The following METTL25 variants were observed in gnomAD, a reference collection of about 807,000 sequenced individuals.
METTL25 encodes probable methyltransferase-like protein 25.
In METTL25, 64 loss-of-function variants were observed where a neutral mutation model predicts 71.6. The ratio of observed to expected loss-of-function variants is 0.89; its 90% CI spans 0.73 to 1.10. The LOEUF (loss-of-function observed/expected upper bound fraction) is 1.10, where lower values mean the gene tolerates loss of function less well. METTL25 is among the 50% of genes least tolerant of loss of function. METTL25 has a pLI of 0.00. For synonymous variants in METTL25, 287 were observed against 250.3 expected, an observed-to-expected ratio of 1.15 and a Z score of -1.38; for missense variants, 807 against 707.0, an observed-to-expected ratio of 1.14 and a Z score of -1.60.
chr12:82,427,295 G>GA (rs765356041), intron 5 of METTL25, among the ~76,000 whole-genome samples: 24 of 151,902 alleles, frequency 1.6e-4, no homozygotes, highest in Non-Finnish European at 1.6e-4. Flanking sequence ...TGTTGTGTAA[G>GA]AAGTCACCCC....
At chr12:82,459,370 G>A (rs1170516753) in intron 9 of METTL25, among the ~76,000 whole-genome samples, 1 of 152,202 alleles carries the variant, frequency 6.6e-6, no homozygotes, top group African/African-American at 2.4e-5. Context: ...GCTCACACCT[G>A]TAATCCCAAC....
intron 9 of METTL25, among the ~76,000 whole-genome samples, chr12:82,475,681 A>G (rs1265760984): frequency 6.6e-6 from 1 of 152,084 alleles, no homozygotes; most frequent in Non-Finnish European, 1.5e-5. Context: ...TTTTCTGTCC[A>G]GGGGAGGGCT....
At chr12:82,435,907 A>G (rs1208285118) in intron 7 of METTL25, among the ~76,000 whole-genome samples, 1 of 151,476 alleles carries the variant, frequency 6.6e-6, no homozygotes, top group Non-Finnish European at 1.5e-5. Flanking sequence ...CAATTGAGAT[A>G]ATAAATACAT....
At chr12:82,439,301 C>T (rs1276340270) in intron 8 of METTL25, among the ~76,000 whole-genome samples, 1 of 151,590 alleles carries the variant, frequency 6.6e-6, no homozygotes, top group African/African-American at 2.4e-5. Context: ...CTAAATAATG[C>T]ACTATTTATA....
intron 1 of METTL25, among the ~76,000 whole-genome samples, chr12:82,365,592 C>A (rs1032026946): frequency 2.0e-5 from 3 of 152,154 alleles, no homozygotes; most frequent in Non-Finnish European, 4.4e-5. Context: ...AAGTGTAAAT[C>A]TGTAACATTC....
intron 2 of METTL25, among the ~76,000 whole-genome samples, chr12:82,389,367 T>C (rs1885358404): frequency 6.6e-6 from 1 of 152,086 alleles, no homozygotes; most frequent in South Asian, 2.1e-4. Flanking sequence ...ACAGCACAGG[T>C]AATGAAATGA....
At chr12:82,391,225 A>G (rs756405128) in intron 3 of METTL25, among the ~76,000 whole-genome samples, 1 of 152,096 alleles carries the variant, frequency 6.6e-6, no homozygotes, top group African/African-American at 2.4e-5. Context: ...TAGATTTTAT[A>G]TAGAAACCAA....
At chr12:82,474,838 A>T (rs1439160399) in intron 9 of METTL25, among the ~76,000 whole-genome samples, 1 of 152,206 alleles carries the variant, frequency 6.6e-6, no homozygotes, top group Non-Finnish European at 1.5e-5. Context: ...AGAGAAACAA[A>T]ACTCTCTTTG....
chr12:82,402,927 T>A (rs562206295), intron 4 of METTL25, 56 bp from the exon 5 acceptor site: 1 of 1,357,394 alleles, frequency 7.4e-7, no homozygotes, highest in Non-Finnish European at 1.0e-6. Flanking sequence ...AAATAAAAAT[T>A]TTAAACAACC....
chr12:82,393,494 ATTTC>A (rs1456948728), intron 3 of METTL25, among the ~76,000 whole-genome samples: 4 of 152,068 alleles, frequency 2.6e-5, no homozygotes, highest in African/African-American at 9.6e-5. Flanking sequence ...ACTGTACTGA[ATTTC>A]TTTATCAGTT....
intron 4 of METTL25, among the ~76,000 whole-genome samples, chr12:82,399,991 T>TA (rs1442479566): frequency 2.6e-5 from 4 of 151,414 alleles, no homozygotes; most frequent in Non-Finnish European, 5.9e-5. Context: ...ATTACCCTTG[T>TA]AATTTTTTTT....
Position 82,420,807 on chromosome 12 carries a change from G to A in METTL25, c.1280-10086G>A, listed in dbSNP as rs767893401. Among the ~76,000 whole-genome samples the A allele has an allele frequency of 2.2e-4, 33 of 151,952 alleles. 1 individual carries two copies. Among genetic ancestry groups the A allele is most frequent in the Middle Eastern group, 3.2e-3 (1 of 316 alleles). ...TAAAAGGAGAAAAGGGATTTGTTAA[G>A]GAGAAGAAGGATTTTTTAAACAGGA... is the stretch of plus-strand genomic sequence containing the variant. On this transcript the variant is annotated intron_variant, in intron 5 of 11. Coordinates refer to ENST00000248306, the MANE Select transcript of METTL25 (RefSeq NM_032230.3).
At chr12:82,469,043 A>G (rs1285654627) in intron 9 of METTL25, 1 of 152,196 alleles carries the variant, frequency 6.6e-6, no homozygotes, top group Non-Finnish European at 1.5e-5. Flanking sequence ...TACACAACAC[A>G]TGGGAATGGC....
At chr12:82,468,165 A>G (rs1049218718) in intron 9 of METTL25, among the ~76,000 whole-genome samples, 6 of 152,122 alleles carry the variant, frequency 3.9e-5, no homozygotes, top group African/African-American at 1.4e-4. Flanking sequence ...ATAACCCAGC[A>G]GAAAACAAGT....
chr12:82,439,142 G>A lies in METTL25; in HGVS notation c.1478+351G>A, dbSNP rs539479006. The A allele has an allele frequency of 3.2e-5, 5 of 157,744 alleles. No individual in the cohort carries two copies. In the East Asian group the frequency reaches 9.1e-4, roughly 29 times the overall value. The allele number at this position is 157,744 out of a possible 1,614,324, so 9.8% of individuals were successfully genotyped here. ...CATAAACAGCATAACACTTTAATTA[G>A]AACAGATATTGATCATAAACAACTA... is the stretch of plus-strand genomic sequence containing the variant. On this transcript the variant is annotated intron_variant, in intron 8 of 11. Transcript: ENST00000248306.
At chr12:82,435,375 TA>T (rs974354120) in intron 7 of METTL25, among the ~76,000 whole-genome samples, 1 of 151,464 alleles carries the variant, frequency 6.6e-6, no homozygotes, top group African/African-American at 2.4e-5. Context: ...AATAATAATT[TA>T]AAAAATAATT....
Position 82,441,808 on chromosome 12 carries a change from C to CACACACACAG in METTL25, c.1478+3026_1478+3027insGACACACACA, listed in dbSNP as rs1369372371. Among the ~76,000 whole-genome samples the CACACACACAG allele has an allele frequency of 3.8e-4, 49 of 129,628 alleles. No homozygotes were observed. In the East Asian group the frequency reaches 8.4e-3, roughly 22 times the overall value. The allele number at this position is 129,628 out of a possible 152,430, so 85.0% of individuals were successfully genotyped here. On this transcript the variant is annotated intron_variant, in intron 8 of 11. Coordinates refer to ENST00000248306, the MANE Select transcript of METTL25 (RefSeq NM_032230.3). Reference sequence around the variant, plus strand: ...TAGCAAAAAAAAAAAAAAATAGAAACACACACACACACACACACACACACA... The same window carrying CACACACACAG: ...TAGCAAAAAAAAAAAAAAATAGAAACACACACACAGACACACACACACACACACACACACA...
At chr12:82,361,216 C>T (rs1038105196) in intron 1 of METTL25, among the ~76,000 whole-genome samples, 2 of 152,176 alleles carry the variant, frequency 1.3e-5, no homozygotes, top group African/African-American at 4.8e-5. Context: ...ACTAGATCAG[C>T]TATACACAGA....
intron 9 of METTL25, among the ~76,000 whole-genome samples, chr12:82,471,007 T>G (rs539095757): frequency 5.3e-5 from 8 of 152,292 alleles, no homozygotes; most frequent in Admixed American, 3.9e-4. Flanking sequence ...ACAAGATGCT[T>G]GCTTTCAAAG....
Sources: allele counts gnomAD v4.1 joint callset (sites outside exome capture counted in the v4.1 genomes callset), GRCh38; gene constraint gnomAD v4.1.1; transcripts MANE v1.5; gene names NCBI Gene and HGNC (gene_info 2026-07-23, HGNC 2026-07-21).